SYT9: variants seen among roughly 807,000 people sequenced by gnomAD.
SYT9 encodes synaptotagmin 9.
SYT9 carries 22 observed loss-of-function variants against 48.4 expected under a neutral mutation model. That is an observed-to-expected ratio of 0.45 (90% CI 0.32 to 0.65). The LOEUF is 0.65. Ranked by LOEUF, SYT9 falls within the 30% of genes least tolerant of loss-of-function variation. The pLI, the probability that SYT9 is intolerant of heterozygous loss-of-function variation, is 0.03. For synonymous variants in SYT9, 265 were observed against 245.0 expected (o/e 1.08, Z -0.76); for missense variants, 577 against 622.0 (o/e 0.93, Z 0.77).
At chr11:7,414,001 C>T (rs10743021) in intron 3 of SYT9, among the ~76,000 whole-genome samples, 67,778 of 151,946 alleles carry the variant, frequency 0.45, 16,679 homozygotes, top group African/African-American at 0.64. Context: ...AACTTATGAG[C>T]AAATAGCCAT....
chr11:7,351,769 C>T (rs1261498138), intron 3 of SYT9, among the ~76,000 whole-genome samples: 3 of 152,132 alleles, frequency 2.0e-5, no homozygotes, highest in African/African-American at 7.2e-5. Context: ...ATTTGAATCC[C>T]CAGGGCTGGG....
At chr11:7,381,313 A>G (rs1417133365) in intron 3 of SYT9, among the ~76,000 whole-genome samples, 1 of 152,236 alleles carries the variant, frequency 6.6e-6, no homozygotes, top group Non-Finnish European at 1.5e-5. Flanking sequence ...ATCTATTGGG[A>G]CACAATGATT....
intron 3 of SYT9, among the ~76,000 whole-genome samples, chr11:7,321,260 A>G (rs944471652): frequency 6.6e-6 from 1 of 152,168 alleles, no homozygotes; most frequent in Non-Finnish European, 1.5e-5. Flanking sequence ...CTCTTATTTC[A>G]GCAAGGTTTG....
chr11:7,417,529 A>T (rs979653371), intron 4 of SYT9, among the ~76,000 whole-genome samples: 6 of 152,176 alleles, frequency 3.9e-5, no homozygotes, highest in African/African-American at 1.4e-4. Flanking sequence ...TCCTCTAGGA[A>T]TTCAGAAATT....
intron 3 of SYT9, among the ~76,000 whole-genome samples, chr11:7,347,236 A>AT (rs33978026): frequency 0.55 from 82,186 of 149,426 alleles, 23,952 homozygotes; most frequent in Non-Finnish European, 0.67. Context: ...TCATCAAAAT[A>AT]TTTTTTTTTT....
At chr11:7,245,374 G>A (rs534599600) in intron 1 of SYT9, among the ~76,000 whole-genome samples, 3 of 151,804 alleles carry the variant, frequency 2.0e-5, no homozygotes, top group Non-Finnish European at 2.9e-5. Flanking sequence ...GACATTGTAG[G>A]TGACTTCAAA....
At chr11:7,319,189 TTTC>T (rs1448375834) in intron 3 of SYT9, among the ~76,000 whole-genome samples, 13 of 78,126 alleles carry the variant, frequency 1.7e-4, no homozygotes, top group South Asian at 1.4e-3. Flanking sequence ...TTTTCTTCTT[TTTC>T]TTTTTTTTTT....
intron 1 of SYT9, among the ~76,000 whole-genome samples, chr11:7,297,399 A>G (rs1480204620): frequency 6.6e-6 from 1 of 152,208 alleles, no homozygotes; most frequent in African/African-American, 2.4e-5. Context: ...GTGACATATC[A>G]TTTGACTATT....
Position 7,313,548 on chromosome 11 carries a change from C to T in SYT9, c.651C>T (p.Asn217=), listed in dbSNP as rs1301908262. The part of the protein sequence containing the change: ...SLDNDDGRRS[N]SKACGKLNFI... ...ATAATGATGACGGGAGACGGAGTAA[C>T]AGCAAGGCTTGTGGGAAACTGAACT... Residue 217 remains asparagine, a synonymous_variant, in exon 3 of 7, where the codon AAC becomes AAT. Coordinates refer to ENST00000318881, the MANE Select transcript of SYT9 (RefSeq NM_175733.4). The T allele has an allele frequency of 6.2e-7, 1 of 1,614,012 alleles. No individual in the cohort carries two copies. Among genetic ancestry groups the T allele is most frequent in the Non-Finnish European group, 8.5e-7 (1 of 1,180,016 alleles).
At chr11:7,276,605 G>A (rs369317216) in intron 1 of SYT9, among the ~76,000 whole-genome samples, 48 of 152,278 alleles carry the variant, frequency 3.2e-4, no homozygotes, top group African/African-American at 1.1e-3. Flanking sequence ...TTCTTAAGCT[G>A]TCCCCTCAGC....
At chr11:7,310,517 A>T (rs1442941964) in intron 2 of SYT9, among the ~76,000 whole-genome samples, 3 of 135,910 alleles carry the variant, frequency 2.2e-5, no homozygotes, top group African/African-American at 8.5e-5. Flanking sequence ...CACAATCTCT[A>T]CTCACTGCAA....
intron 3 of SYT9, among the ~76,000 whole-genome samples, chr11:7,369,700 C>A (rs1282606616): frequency 2.0e-5 from 3 of 149,270 alleles, no homozygotes; most frequent in Non-Finnish European, 4.4e-5. Flanking sequence ...ATATGGCTAG[C>A]CAGTTCTCCG....
intron 3 of SYT9, among the ~76,000 whole-genome samples, chr11:7,391,201 T>C (rs930324090): frequency 3.3e-5 from 5 of 152,184 alleles, no homozygotes; most frequent in African/African-American, 1.2e-4. Context: ...CTTTATCCTG[T>C]CCACCACTGA....
intron 3 of SYT9, among the ~76,000 whole-genome samples, chr11:7,331,293 T>C (rs1849524915): frequency 6.7e-6 from 1 of 149,492 alleles, no homozygotes; most frequent in Non-Finnish European, 1.5e-5. Flanking sequence ...AGGAAGGATT[T>C]ACAAGCAATA....
intron 3 of SYT9, among the ~76,000 whole-genome samples, chr11:7,414,942 C>T (rs1223227307): frequency 5.9e-5 from 9 of 152,230 alleles, no homozygotes; most frequent in Non-Finnish European, 1.2e-4. Flanking sequence ...CACCTCAGCT[C>T]GATAACCTCA....
intron 1 of SYT9, among the ~76,000 whole-genome samples, chr11:7,269,216 G>C (rs570037483): frequency 2.0e-4 from 31 of 152,042 alleles, no homozygotes; most frequent in African/African-American, 7.2e-4. Flanking sequence ...AAATCAGTTG[G>C]GGGGGTGGGA....
chr11:7,405,416 T>C (rs568397930), intron 3 of SYT9, among the ~76,000 whole-genome samples: 51 of 152,290 alleles, frequency 3.3e-4, no homozygotes, highest in African/African-American at 1.1e-3. Context: ...AGGGAATGTT[T>C]ACAAACATCA....
chr11:7,398,406 T>C (rs1228756433), intron 3 of SYT9, among the ~76,000 whole-genome samples: 1 of 115,580 alleles, frequency 8.7e-6, no homozygotes, highest in Non-Finnish European at 1.8e-5. Context: ...TCTACAGTTT[T>C]CTTTTCTTTT....
intron 1 of SYT9, among the ~76,000 whole-genome samples, chr11:7,300,250 C>T (rs755831): frequency 0.14 from 20,874 of 152,044 alleles, 1,577 homozygotes; most frequent in South Asian, 0.2. Flanking sequence ...TTTAAGTTTA[C>T]TCCTTATTTT....
Sources: gnomAD v4.1 joint callset for allele counts (sites outside exome capture counted in the v4.1 genomes callset) on GRCh38, gnomAD v4.1.1 for gene constraint, MANE v1.5 for transcripts, NCBI Gene and HGNC (gene_info 2026-07-23, HGNC 2026-07-21) for gene names.